PRPF6: variants seen among roughly 807,000 people sequenced by gnomAD.
PRPF6 encodes the protein pre-mRNA processing factor 6.
Under a neutral mutation model 118.3 loss-of-function variants are expected in PRPF6, and 42 were observed. The ratio of observed to expected loss-of-function variants is 0.35; its 90% CI spans 0.28 to 0.46. The LOEUF (loss-of-function observed/expected upper bound fraction) is 0.46, where lower values mean the gene tolerates loss of function less well. Ranked by LOEUF, PRPF6 falls within the 20% of genes least tolerant of loss-of-function variation. PRPF6 has a pLI of 1.00. For missense variants in PRPF6, 662 were observed against 1,255.7 expected (o/e 0.53, Z 7.15); for synonymous variants, 481 against 485.1 (o/e 0.99, Z 0.11).
At chr20:64,001,764 G>A (rs1356800433) in intron 9 of PRPF6, among the ~76,000 whole-genome samples, 2 of 152,210 alleles carry the variant, frequency 1.3e-5, no homozygotes, top group Non-Finnish European at 2.9e-5. Context: ...GTCAGATAAC[G>A]ACAGACGGTG....
intron 1 of PRPF6, among the ~76,000 whole-genome samples, chr20:63,981,649 CCCCCG>C (rs1196794759): frequency 4.8e-5 from 7 of 144,900 alleles, no homozygotes; most frequent in South Asian, 2.4e-4. Context: ...ACACTCCCCC[CCCCCG>C]CCCGCCCGCC....
At chr20:64,004,213 G>A (rs772922340) in intron 9 of PRPF6, among the ~76,000 whole-genome samples, 11 of 152,166 alleles carry the variant, frequency 7.2e-5, no homozygotes, top group Non-Finnish European at 1.5e-4. Context: ...GAGTGTTGAG[G>A]GACTGTGTTT....
Position 64,011,515 on chromosome 20 carries a change from G to C in PRPF6, c.1524+12G>C. The C allele has an allele frequency of 6.2e-7, 1 of 1,608,732 alleles. No individual in the cohort carries two copies. The highest frequency in any genetic ancestry group is 8.5e-7 in the Non-Finnish European group (1 of 1,178,216). On this transcript the variant is annotated intron_variant, in intron 11 of 20. Transcript: ENST00000266079. The surrounding 1 kb of genome is among the most constrained non-coding windows in gnomAD (Gnocchi z 6.7). ...AGCAGTGGATCCAGGTGGGCCGCAG[G>C]CGGGTGTCGTGGTGTCTGCTTTAAC...
At chr20:63,982,416 C>T (rs1177543370) in intron 1 of PRPF6, among the ~76,000 whole-genome samples, 5 of 152,090 alleles carry the variant, frequency 3.3e-5, no homozygotes, top group Middle Eastern at 3.4e-3. Context: ...ATGATCCACC[C>T]GCCTCCGTCT....
chr20:64,025,771 A>G (rs1443541014), intron 14 of PRPF6, among the ~76,000 whole-genome samples, 168 bp from the exon 15 acceptor site: 1 of 152,206 alleles, frequency 6.6e-6, no homozygotes, highest in African/African-American at 2.4e-5. Context: ...GGATTCTTGC[A>G]CTGGAGTCGG....
At chr20:64,007,863 G>A (rs974254605) in intron 9 of PRPF6, among the ~76,000 whole-genome samples, 10 of 151,910 alleles carry the variant, frequency 6.6e-5, no homozygotes, top group African/African-American at 7.3e-5. Flanking sequence ...TTGCACCTGC[G>A]CCTTCTGGGT....
intron 7 of PRPF6, 117 bp downstream of exon 7, chr20:63,999,256 A>T (rs2059155095): frequency 9.1e-6 from 8 of 875,688 alleles, no homozygotes; most frequent in Non-Finnish European, 1.5e-5. Context: ...AAGAAATGTA[A>T]AGTGGAGTAG....
Position 64,011,634 on chromosome 20 carries a change from G to A in PRPF6, c.1524+131G>A. On this transcript the variant is annotated intron_variant, in intron 11 of 20. Coordinates refer to ENST00000266079, the MANE Select transcript of PRPF6 (RefSeq NM_012469.4). This position sits in a 1 kb window ranked among gnomAD's most constrained non-coding sequence, Gnocchi z 6.7. ...TGCCAAACCAGAAGCAGGCACAGGT[G>A]TGAATGGGCCCTGAGGGACCTGGGC... is the stretch of plus-strand genomic sequence containing the variant. 2 of 1,040,214 alleles carry A rather than the reference G, an allele frequency of 1.9e-6. No individual in the cohort carries two copies. Among genetic ancestry groups the A allele is most frequent in the Admixed American group, 2.0e-5 (1 of 50,108 alleles). The allele number at this position is 1,040,214 out of a possible 1,614,324, so 64.4% of individuals were successfully genotyped here. A position where few individuals can be genotyped will look rare whatever the true frequency, so the allele number is the denominator to read the frequency against.
At chr20:63,984,736 C>T (rs973032005) in intron 2 of PRPF6, among the ~76,000 whole-genome samples, 171 bp from the exon 3 acceptor site, 1 of 152,170 alleles carries the variant, frequency 6.6e-6, no homozygotes, top group African/African-American at 2.4e-5. Flanking sequence ...CTTCCATGCC[C>T]TTGACGCTTG....
At position 64,027,816 on chromosome 20, in the gene PRPF6, G is replaced by A; in HGVS notation, c.2339+80G>A. Reference sequence around the variant, plus strand: ...GCCGCCGTCACCCAGCTGCTTGTGTGGAGTCACTCGTGCAGTGCTTCCAGG... The same window carrying A: ...GCCGCCGTCACCCAGCTGCTTGTGTAGAGTCACTCGTGCAGTGCTTCCAGG... On this transcript the variant is annotated intron_variant, in intron 17 of 20. Transcript: ENST00000266079. The surrounding 1 kb of genome is among the most constrained non-coding windows in gnomAD (Gnocchi z 6.5). The A allele has an allele frequency of 2.5e-6, 4 of 1,589,850 alleles. No individual in the cohort carries two copies. The highest frequency in any genetic ancestry group is 3.4e-6 in the Non-Finnish European group (4 of 1,160,816).
intron 13 of PRPF6, among the ~76,000 whole-genome samples, chr20:64,023,488 G>A (rs1463650140): frequency 1.3e-5 from 2 of 152,220 alleles, no homozygotes; most frequent in Admixed American, 6.5e-5. Context: ...AGGTCCTCGG[G>A]TGATGCTCCC....
intron 8 of PRPF6, among the ~76,000 whole-genome samples, chr20:64,000,278 C>T (rs1380771190): frequency 2.0e-5 from 3 of 152,084 alleles, no homozygotes; most frequent in Admixed American, 2.0e-4. Context: ...CACTTGAGGT[C>T]AGGAGTTAGA....
chr20:64,012,918 T>C (rs558572147), intron 11 of PRPF6, among the ~76,000 whole-genome samples: 1 of 151,816 alleles, frequency 6.6e-6, no homozygotes, highest in East Asian at 1.9e-4. Flanking sequence ...GGACAGGAAG[T>C]CTCATGGCTT....
Position 64,010,221 on chromosome 20 carries a change from C to T in PRPF6, c.1208C>T (p.Ser403Leu), listed in dbSNP as rs1394385875. 4.3e-6 allele frequency: 7 copies of T among 1,614,022 alleles called. No individual in the cohort carries two copies. Among genetic ancestry groups the T allele is most frequent in the African/African-American group, 1.3e-5 (1 of 74,928 alleles). ...CTAGCCCTCGAGCATGTTCCAAACT[C>T]GGTTCGCTTGTGGAAAGCAGCCGTT... The part of the protein sequence containing the change: ...LRKALEHVPN[S>L]VRLWKAAVEL... The change falls in exon 10 of 21, where the codon TCG becomes TTG. Residue 403 changes from serine to leucine, a missense_variant. Coordinates refer to ENST00000266079, the MANE Select transcript of PRPF6 (RefSeq NM_012469.4).
At chr20:63,997,457 ATT>A (rs150179547) in intron 6 of PRPF6, among the ~76,000 whole-genome samples, 12 of 132,496 alleles carry the variant, frequency 9.1e-5, no homozygotes, top group Admixed American at 1.5e-4. Context: ...AGCCCAGCTA[ATT>A]TTTTTTTTTT....
intron 12 of PRPF6, 74 bp downstream of exon 12, chr20:64,016,919 T>G: frequency 1.3e-6 from 2 of 1,575,848 alleles, no homozygotes; most frequent in South Asian, 2.2e-5. Context: ...CCTTATAAAC[T>G]ACTAGGCTAT....
Position 64,026,967 on chromosome 20 carries a change from A to C in PRPF6, c.2029-15A>C. The C allele has an allele frequency of 6.2e-7, 1 of 1,613,770 alleles. No individual in the cohort carries two copies. The highest frequency in any genetic ancestry group is 8.5e-7 in the Non-Finnish European group (1 of 1,180,006). On this transcript the variant is annotated splice_polypyrimidine_tract_variant and intron_variant, in intron 15 of 20. Coordinates refer to ENST00000266079, the MANE Select transcript of PRPF6 (RefSeq NM_012469.4). The surrounding 1 kb of genome is among the most constrained non-coding windows in gnomAD (Gnocchi z 4.4). The stretch of plus-strand genomic sequence containing the variant: ...GAGCTGATGCCCTGCGTGACAGTGC[A>C]TGTCTGCCCCACAGGTGTTCATGAA...
intron 9 of PRPF6, 21 bp downstream of exon 9, chr20:64,001,260 C>A: frequency 6.2e-7 from 1 of 1,614,048 alleles, no homozygotes; most frequent in African/African-American, 1.3e-5. Flanking sequence ...CTCGGAGGTG[C>A]TGCTTTCTCC....
At chr20:63,995,612 C>T (rs1351305058) in intron 6 of PRPF6, 130 bp downstream of exon 6, 6 of 1,075,924 alleles carry the variant, frequency 5.6e-6, no homozygotes, top group East Asian at 5.2e-5. Context: ...TCTTCTCCTT[C>T]TCCTTTTTTT....
Sources: gnomAD v4.1 joint callset for allele counts (sites outside exome capture counted in the v4.1 genomes callset) on GRCh38, gnomAD v4.1.1 for gene constraint, Gnocchi (gnomAD v3.1) non-coding constraint, MANE v1.5 for transcripts, NCBI Gene and HGNC (gene_info 2026-07-23, HGNC 2026-07-21) for gene names.